DRD2: variants seen among roughly 807,000 people sequenced by gnomAD.
DRD2 encodes the protein dopamine receptor D2.
In DRD2, 8 loss-of-function variants were observed where a neutral mutation model predicts 38.0. The ratio of observed to expected loss-of-function variants is 0.21; its 90% CI spans 0.12 to 0.38. DRD2 has a LOEUF of 0.38. DRD2 is among the 10% of genes least tolerant of loss of function. DRD2 has a pLI of 1.00. For missense variants in DRD2, 403 were observed against 607.7 expected (o/e 0.66, Z 3.54); for synonymous variants, 230 against 238.6 (o/e 0.96, Z 0.33).
In DRD2 at chr11:113,410,747, G is replaced by A. The variant is rs930643044; in HGVS notation, c.1312C>T (p.Leu438=). The change falls in exon 8 of 8, where the codon CTG becomes TTG. Residue 438 remains leucine, a synonymous_variant. Coordinates refer to ENST00000362072, the MANE Select transcript of DRD2 (RefSeq NM_000795.4). Reference sequence around the variant, plus strand: ...CAGAGTCAGCAGTGGAGGATCTTCAGGAAGGCCTTGCGGAACTCAATGTTG... The same window carrying A: ...CAGAGTCAGCAGTGGAGGATCTTCAAGAAGGCCTTGCGGAACTCAATGTTG... The part of the protein sequence containing the change: ...TFNIEFRKAF[L]KILHC 1 of 1,614,142 alleles carries A rather than the reference G, an allele frequency of 6.2e-7. No individual in the cohort carries two copies. Among genetic ancestry groups the A allele is most frequent in the African/African-American group, 1.3e-5 (1 of 74,938 alleles).
chr11:113,413,468 G>A (rs535038032), intron 6 of DRD2: 61 of 443,636 alleles, frequency 1.4e-4, no homozygotes, highest in South Asian at 9.2e-4. Context: ...TCCACTCATG[G>A]CCTCCTGGGT....
At chr11:113,469,616 G>A (rs1033895235) in intron 1 of DRD2, among the ~76,000 whole-genome samples, 11 of 152,048 alleles carry the variant, frequency 7.2e-5, no homozygotes, top group East Asian at 5.8e-4. Flanking sequence ...CAGGAGGATC[G>A]TTTGAAGCCA....
At chr11:113,452,426 G>C (rs1951217765) in intron 1 of DRD2, among the ~76,000 whole-genome samples, 1 of 143,942 alleles carries the variant, frequency 6.9e-6, no homozygotes, top group Non-Finnish European at 1.5e-5. Context: ...AGGGCCACTG[G>C]TGTGCATGCG....
At chr11:113,429,698 A>G (rs1400792475) in intron 1 of DRD2, among the ~76,000 whole-genome samples, 3 of 152,210 alleles carry the variant, frequency 2.0e-5, no homozygotes, top group Admixed American at 6.5e-5. Context: ...TTCAGACATC[A>G]GCAAATCCAC....
intron 1 of DRD2, among the ~76,000 whole-genome samples, chr11:113,459,207 G>A (rs2119950802): frequency 6.6e-6 from 1 of 152,284 alleles, no homozygotes; most frequent in South Asian, 2.1e-4. Context: ...AGATAATATA[G>A]TCAGTATTTG....
chr11:113,461,694 A>G (rs58259116), intron 1 of DRD2, among the ~76,000 whole-genome samples: 2,159 of 152,272 alleles, frequency 0.014, 55 homozygotes, highest in African/African-American at 0.049. Flanking sequence ...TCATCTGTGA[A>G]ATTAGAGCAT....
At chr11:113,432,521 C>A (rs1950997316) in intron 1 of DRD2, among the ~76,000 whole-genome samples, 1 of 152,224 alleles carries the variant, frequency 6.6e-6, no homozygotes, top group Non-Finnish European at 1.5e-5. Flanking sequence ...TAAAATTTAA[C>A]AATTCCTTAT....
intron 2 of DRD2, among the ~76,000 whole-genome samples, chr11:113,418,858 C>T (rs901123337): frequency 1.3e-5 from 2 of 152,218 alleles, no homozygotes; most frequent in South Asian, 2.1e-4. Flanking sequence ...CTTTCCCTCA[C>T]CCCTGATTCT....
chr11:113,422,980 G>T (rs1015249144), intron 2 of DRD2, among the ~76,000 whole-genome samples: 1 of 152,176 alleles, frequency 6.6e-6, no homozygotes, highest in Non-Finnish European at 1.5e-5. Flanking sequence ...AGTGGGCAGA[G>T]CACCGGCACT....
intron 1 of DRD2, among the ~76,000 whole-genome samples, chr11:113,465,411 G>GTTGTTTGA: frequency 6.6e-6 from 1 of 150,622 alleles, no homozygotes; most frequent in Non-Finnish European, 1.5e-5. Context: ...TGTTGTTGTT[G>GTTGTTTGA]TTGTTTGTTT....
chr11:113,436,395 G>C (rs920700384), intron 1 of DRD2, among the ~76,000 whole-genome samples: 3 of 152,192 alleles, frequency 2.0e-5, no homozygotes, highest in Admixed American at 6.5e-5. Flanking sequence ...CAATTGCAAT[G>C]TGTGGGCCTT....
intron 2 of DRD2, among the ~76,000 whole-genome samples, chr11:113,423,890 T>G (rs1950910066): frequency 6.6e-6 from 1 of 152,054 alleles, no homozygotes; most frequent in Non-Finnish European, 1.5e-5. Flanking sequence ...GGAGTGAAGG[T>G]TTCAGGGGCC....
At chr11:113,451,797 T>C (rs1400789103) in intron 1 of DRD2, among the ~76,000 whole-genome samples, 1 of 152,220 alleles carries the variant, frequency 6.6e-6, no homozygotes, top group African/African-American at 2.4e-5. Flanking sequence ...CCCAGCTTTG[T>C]CATTCTGCTA....
At chr11:113,446,675 C>T (rs1177935173) in intron 1 of DRD2, among the ~76,000 whole-genome samples, 3 of 152,190 alleles carry the variant, frequency 2.0e-5, no homozygotes, top group African/African-American at 7.2e-5. Flanking sequence ...ATAGTTTACC[C>T]ATGTTGCTGC....
chr11:113,413,191 G>A, intron 6 of DRD2: 1 of 627,108 alleles, frequency 1.6e-6, no homozygotes, highest in Non-Finnish European at 3.0e-6. Context: ...TTAGCAAAGT[G>A]CCAGGTGCCA....
In DRD2 at chr11:113,419,575, C is replaced by T. The variant is rs138857384; in HGVS notation, c.286-1439G>A. Among the ~76,000 whole-genome samples the T allele has an allele frequency of 9.0e-3, 1,364 of 151,540 alleles. 19 individuals are homozygous for T. Among genetic ancestry groups the T allele is most frequent in the African/African-American group, 0.029 (1,196 of 41,268 alleles). On this transcript the variant is annotated intron_variant, in intron 2 of 7. Coordinates refer to ENST00000362072, the MANE Select transcript of DRD2 (RefSeq NM_000795.4). Reference sequence around the variant, plus strand: ...ACACACTCACGGCAGCTGTCCCTAGCGCTCTGGAAGCTTGGAGCAGCCCCA... The same window carrying T: ...ACACACTCACGGCAGCTGTCCCTAGTGCTCTGGAAGCTTGGAGCAGCCCCA...
intron 1 of DRD2, among the ~76,000 whole-genome samples, chr11:113,431,575 A>T (rs1950988236): frequency 6.6e-6 from 1 of 152,212 alleles, no homozygotes. Flanking sequence ...TTTCAGAGTC[A>T]TCCATTCTAG....
intron 1 of DRD2, among the ~76,000 whole-genome samples, chr11:113,426,424 C>G (rs1189596161): frequency 6.6e-6 from 1 of 152,158 alleles, no homozygotes; most frequent in Non-Finnish European, 1.5e-5. Context: ...AAGTCTTCCT[C>G]TTTTACAGAA....
intron 5 of DRD2, among the ~76,000 whole-genome samples, chr11:113,415,136 G>A (rs754260438): frequency 1.3e-5 from 2 of 152,084 alleles, no homozygotes; most frequent in African/African-American, 2.4e-5. Flanking sequence ...AGGAGCCCAC[G>A]GGGGTACCAA....
Sources: gnomAD v4.1 joint callset for allele counts (sites outside exome capture counted in the v4.1 genomes callset) on GRCh38, gnomAD v4.1.1 for gene constraint, MANE v1.5 for transcripts, NCBI Gene and HGNC (gene_info 2026-07-23, HGNC 2026-07-21) for gene names.